The following TRIM66 variants were observed in gnomAD, a reference collection of about 807,000 sequenced individuals.
The protein encoded by TRIM66 is tripartite motif containing 66, also known as tripartite motif-containing protein 66.
TRIM66 carries 99 observed loss-of-function variants against 148.2 expected under a neutral mutation model. That is an observed-to-expected ratio of 0.67 (90% CI 0.57 to 0.79). TRIM66 has a LOEUF of 0.79. Among genes scored for constraint, TRIM66 ranks in the 30% least tolerant of loss-of-function variants. The pLI is 0.00. For missense variants in TRIM66, 1,666 were observed against 1,697.9 expected (o/e 0.98, Z 0.33); for synonymous variants, 616 against 635.9 (o/e 0.97, Z 0.47).
intron 15 of TRIM66, among the ~76,000 whole-genome samples, chr11:8,629,632 A>C (rs1485663636): frequency 6.6e-6 from 1 of 152,222 alleles, no homozygotes; most frequent in East Asian, 1.9e-4. Context: ...GGGGAGAGGA[A>C]GACATGCAGA....
chr11:8,634,252 G>A lies in TRIM66; in HGVS notation c.2310+4402C>T, dbSNP rs564630199. 6.6e-5 allele frequency among the ~76,000 whole-genome samples: 10 copies of A among 152,254 alleles called. No homozygotes were observed. The South Asian group carries it at 1.2e-3, about 19-fold the overall frequency. ...GCAATCTCGGCTCACTACAACTTCC[G>A]CCTCCCAGGCTCAAGCAATTCTCAT... On this transcript the variant is annotated intron_variant, in intron 15 of 24. Transcript: ENST00000646038.
intron 15 of TRIM66, among the ~76,000 whole-genome samples, chr11:8,638,150 G>A (rs1263394608): frequency 6.6e-6 from 1 of 152,148 alleles, no homozygotes; most frequent in Non-Finnish European, 1.5e-5. Context: ...TCTGGGTTGT[G>A]GAGGCCACAA....
chr11:8,649,989 T>C (rs747482793), intron 7 of TRIM66, 102 bp from the exon 8 acceptor site: 57 of 1,364,642 alleles, frequency 4.2e-5, no homozygotes, highest in Non-Finnish European at 5.3e-5. Flanking sequence ...GGCCTATTCC[T>C]CCACCAGTTT....
chr11:8,651,942 G>A, intron 6 of TRIM66, 39 bp from the exon 7 acceptor site: 1 of 1,500,874 alleles, frequency 6.7e-7, no homozygotes, highest in Admixed American at 2.0e-5. Context: ...AGGGCAACAT[G>A]GCTGATTATA....
At chr11:8,644,604 C>T (rs1482443295) in intron 12 of TRIM66, among the ~76,000 whole-genome samples, 1 of 152,166 alleles carries the variant, frequency 6.6e-6, no homozygotes, top group Non-Finnish European at 1.5e-5. Flanking sequence ...CTCCTGCTTT[C>T]TCAGTGTACT....
At chr11:8,660,939 G>C (rs1032428112) in intron 6 of TRIM66, among the ~76,000 whole-genome samples, 1 of 152,212 alleles carries the variant, frequency 6.6e-6, no homozygotes, top group African/African-American at 2.4e-5. Flanking sequence ...CAGGAGGTGA[G>C]GCTACAGCAT....
At chr11:8,628,636 A>AAAAAAAAAAAAAAAAAAGAGAGAGAG (rs1555042270) in intron 15 of TRIM66, among the ~76,000 whole-genome samples, 4 of 93,398 alleles carry the variant, frequency 4.3e-5, no homozygotes, top group Non-Finnish European at 7.0e-5. Flanking sequence ...AAAAAAAAAA[A>AAAAAAAAAAAAAAAAAAGAGAGAGAG]AGAGAGAGAA....
At chr11:8,660,919 A>G (rs997430734) in intron 6 of TRIM66, among the ~76,000 whole-genome samples, 2 of 152,232 alleles carry the variant, frequency 1.3e-5, no homozygotes, top group Admixed American at 6.5e-5. Flanking sequence ...TACAACATAT[A>G]GAGAAATGAC....
rs1271226674 is a variant in TRIM66, at chr11:8,640,697, G to A, written c.1678C>T (p.Pro560Ser). The change falls in exon 14 of 25, where the codon CCC becomes TCC. Residue 560 changes from proline to serine, a missense_variant. Transcript: ENST00000646038. ...GCTCCTTGCTGAACATCCTGTGGGG[G>A]GACAATGCACACGGGCTGGGAAGTC... ...QLTSQPVCIV[P>S]PQDVQQGAHA... The A allele has an allele frequency of 1.3e-6, 2 of 1,551,644 alleles. No individual in the cohort carries two copies. The highest frequency in any genetic ancestry group is 4.9e-5 in the East Asian group (2 of 40,922).
chr11:8,650,035 A>T, intron 7 of TRIM66, 148 bp from the exon 8 acceptor site: 1 of 930,632 alleles, frequency 1.1e-6, no homozygotes, highest in South Asian at 1.8e-5. Context: ...GTCTGGGAGT[A>T]ACATGCCGGG....
chr11:8,631,081 C>G (rs2035351595), intron 15 of TRIM66, among the ~76,000 whole-genome samples: 1 of 152,172 alleles, frequency 6.6e-6, no homozygotes, highest in Admixed American at 6.5e-5. Context: ...ATTGCTCTTT[C>G]ATTTTAACAG....
chr11:8,670,997 T>A (rs1343085214), intron 6 of TRIM66, among the ~76,000 whole-genome samples: 1 of 152,208 alleles, frequency 6.6e-6, no homozygotes, highest in Non-Finnish European at 1.5e-5. Flanking sequence ...TTTCACTAAT[T>A]AAGAGTGTGG....
intron 8 of TRIM66, among the ~76,000 whole-genome samples, chr11:8,649,389 C>A (rs534503421): frequency 5.1e-4 from 78 of 152,136 alleles, no homozygotes; most frequent in African/African-American, 1.8e-3. Flanking sequence ...GCTGGGTAGA[C>A]AAACAAACAA....
intron 1 of TRIM66, 169 bp downstream of exon 1, chr11:8,682,432 G>C (rs2039483075): frequency 3.2e-6 from 1 of 310,528 alleles, no homozygotes; most frequent in Non-Finnish European, 6.1e-6. Context: ...TGGCGCATTT[G>C]GTGAGGAGCT....
At chr11:8,619,006 T>C (rs1183594364) in intron 23 of TRIM66, 38 bp from the exon 24 acceptor site, 1 of 1,528,942 alleles carries the variant, frequency 6.5e-7, no homozygotes, top group Admixed American at 2.0e-5. Flanking sequence ...CTAGCCTGTT[T>C]CTACCAGTCC....
rs1386014074 is a variant in TRIM66, at chr11:8,612,446, C to T, written c.*5498G>A. Reference sequence around the variant, plus strand: ...AGAGATCACTGTTCTCAGCCATTCTCCCACCACAACTTTATAGATGAGGAA... The same window carrying T: ...AGAGATCACTGTTCTCAGCCATTCTTCCACCACAACTTTATAGATGAGGAA... On this transcript the variant is annotated 3_prime_UTR_variant, in exon 25 of 25. Transcript: ENST00000646038. 2 of 152,206 alleles carry T rather than the reference C, an allele frequency of 1.3e-5. No homozygotes were observed. The highest frequency in any genetic ancestry group is 1.3e-4 in the Admixed American group (2 of 15,288). The allele number at this position is 152,206 out of a possible 1,614,324, so 9.4% of individuals were successfully genotyped here. A position where few individuals can be genotyped will look rare whatever the true frequency, so the allele number is the denominator to read the frequency against.
At chr11:8,675,972 C>A (rs1033151032) in intron 3 of TRIM66, among the ~76,000 whole-genome samples, 1 of 152,136 alleles carries the variant, frequency 6.6e-6, no homozygotes, top group Non-Finnish European at 1.5e-5. Flanking sequence ...CTCCAGACCT[C>A]GTGATCCACC....
At chr11:8,634,243 A>T (rs896532157) in intron 15 of TRIM66, among the ~76,000 whole-genome samples, 1 of 152,138 alleles carries the variant, frequency 6.6e-6, no homozygotes, top group Non-Finnish European at 1.5e-5. Context: ...TCGGCTCACT[A>T]CAACTTCCGC....
chr11:8,621,126 C>A lies in TRIM66; in HGVS notation c.3451G>T (p.Val1151Phe). 2 of 1,551,742 alleles carry A rather than the reference C, an allele frequency of 1.3e-6. No homozygotes were observed. Among genetic ancestry groups the A allele is most frequent in the Non-Finnish European group, 1.7e-6 (2 of 1,147,002 alleles). ...AGTAACTCTCCGCCATTGAGGCAAA[C>A]AGCACAGAAGTCCTCATTCTCTATT... Reference protein sequence around the residue: ...APIENEDFCAVCLNGGELLCC... With the variant: ...APIENEDFCAFCLNGGELLCC... Residue 1151 changes from valine (V) to phenylalanine (F), a missense_variant, in exon 20 of 25, where the codon GTT becomes TTT. Transcript: ENST00000646038.
Sources: gnomAD v4.1 joint callset for allele counts (sites outside exome capture counted in the v4.1 genomes callset) on GRCh38, gnomAD v4.1.1 for gene constraint, MANE v1.5 for transcripts, NCBI Gene and HGNC (gene_info 2026-07-23, HGNC 2026-07-21) for gene names.